The following RBM12 variants were observed in gnomAD, a reference collection of about 807,000 sequenced individuals.
RBM12 encodes RNA binding motif protein 12.
Under a neutral mutation model 37.2 loss-of-function variants are expected in RBM12, and 24 were observed. That is an observed-to-expected ratio of 0.65 (90% CI 0.47 to 0.91). RBM12 has a LOEUF of 0.91. Ranked by LOEUF, RBM12 falls within the 40% of genes least tolerant of loss-of-function variation. RBM12 has a pLI of 0.00. For synonymous variants in RBM12, 420 were observed against 425.2 expected, an observed-to-expected ratio of 0.99 and a Z score of 0.15; for missense variants, 1,061 against 1,183.2, an observed-to-expected ratio of 0.90 and a Z score of 1.52.
chr20:35,663,258 T>G (rs866316067), intron 1 of RBM12, among the ~76,000 whole-genome samples: 1 of 152,202 alleles, frequency 6.6e-6, no homozygotes, highest in South Asian at 2.1e-4. Context: ...AGTTCTATAA[T>G]TTAAAAAACA....
Position 35,654,429 on chromosome 20 carries a change from G to A in RBM12, c.894C>T (p.Pro298=), listed in dbSNP as rs199570213. ...TGACATACAGATCATCAGGGTTGAT[G>A]GGGAGTGGCTTCACACTGCTCTGAG... is the stretch of plus-strand genomic sequence containing the variant. ...MNSQSSVKPL[P]INPDDLYVSV... is the part of the protein sequence containing the mutation. Residue 298 remains proline (P), a synonymous_variant, in exon 3 of 3, where the codon CCC becomes CCT. Coordinates refer to ENST00000374114, the MANE Select transcript of RBM12 (RefSeq NM_006047.6). The A allele has an allele frequency of 5.0e-5, 81 of 1,614,214 alleles. No homozygotes were observed. In the Admixed American group the frequency reaches 9.7e-4, roughly 19 times the overall value.
chr20:35,657,184 T>G (rs1346950113), intron 2 of RBM12, among the ~76,000 whole-genome samples: 1 of 152,122 alleles, frequency 6.6e-6, no homozygotes, highest in Non-Finnish European at 1.5e-5. Flanking sequence ...ATTTGGGAAG[T>G]GTGGGGAAGC....
At chr20:35,655,775 A>G (rs1418052189) in intron 2 of RBM12, among the ~76,000 whole-genome samples, 3 of 152,244 alleles carry the variant, frequency 2.0e-5, no homozygotes, top group Non-Finnish European at 2.9e-5. Flanking sequence ...TCTTCCCTAT[A>G]TACTTGATAA....
intron 2 of RBM12, among the ~76,000 whole-genome samples, chr20:35,658,190 T>G (rs1340321700): frequency 6.6e-6 from 1 of 152,250 alleles, no homozygotes; most frequent in African/African-American, 2.4e-5. Context: ...ACAAGAGGGT[T>G]AGATTCCACT....
At chr20:35,656,955 CTTCA>C (rs1407161664) in intron 2 of RBM12, among the ~76,000 whole-genome samples, 1 of 152,200 alleles carries the variant, frequency 6.6e-6, no homozygotes, top group Non-Finnish European at 1.5e-5. Context: ...AATTCTGTAA[CTTCA>C]TTGTCAAATA....
intron 1 of RBM12, among the ~76,000 whole-genome samples, chr20:35,659,787 A>G (rs1456788191): frequency 6.6e-6 from 1 of 152,230 alleles, no homozygotes; most frequent in African/African-American, 2.4e-5. Context: ...TGAGGTTATT[A>G]ACAAGTCACA....
chr20:35,660,376 G>A (rs2034166023), intron 1 of RBM12, among the ~76,000 whole-genome samples: 1 of 151,850 alleles, frequency 6.6e-6, no homozygotes, highest in Non-Finnish European at 1.5e-5. Context: ...GCCACCACCC[G>A]CAGCTTATTT....
At chr20:35,657,214 A>G (rs2033950007) in intron 2 of RBM12, among the ~76,000 whole-genome samples, 1 of 152,240 alleles carries the variant, frequency 6.6e-6, no homozygotes, top group Non-Finnish European at 1.5e-5. Flanking sequence ...ACAAACTTCA[A>G]GAGTCAACAA....
At chr20:35,659,067 C>A in intron 1 of RBM12, 53 bp from the exon 2 acceptor site, 1 of 711,036 alleles carries the variant, frequency 1.4e-6, no homozygotes. Flanking sequence ...CACAAAACAA[C>A]ACGCACAGGC....
Position 35,652,674 on chromosome 20 carries a change from T to C in RBM12, c.2649A>G (p.Pro883=). ...LDFFYGYQVI[P]GSVCLKYNEK... is the part of the protein sequence containing the mutation. ...CATTGTATTTTAAACACACTGAGCCTGGGATTACTTGATAGCCATAAAAGA... is the reference window on the plus strand; with the variant it reads ...CATTGTATTTTAAACACACTGAGCCCGGGATTACTTGATAGCCATAAAAGA... Residue 883 remains proline, a synonymous_variant, in exon 3 of 3, where the codon CCA becomes CCG. Transcript: ENST00000374114. The C allele has an allele frequency of 1.2e-6, 2 of 1,614,154 alleles. No homozygotes were observed. Among genetic ancestry groups the C allele is most frequent in the Non-Finnish European group, 1.7e-6 (2 of 1,179,984 alleles).
chr20:35,657,855 G>A (rs890000615), intron 2 of RBM12, among the ~76,000 whole-genome samples: 12 of 152,248 alleles, frequency 7.9e-5, no homozygotes, highest in African/African-American at 2.2e-4. Flanking sequence ...GAGGTCAGGA[G>A]TTCAAGACCA....
rs2146342882 is a variant in RBM12 at position 35,652,511 on chromosome 20, A to G, written c.*13T>C. ...AATATGAAGATCTACCCTATAAAAA[A>G]TGATGTGAATGGCTACCCTAATACA... On this transcript the variant is annotated 3_prime_UTR_variant, in exon 3 of 3. Coordinates refer to ENST00000374114, the MANE Select transcript of RBM12 (RefSeq NM_006047.6). 2 of 1,599,548 alleles carry G rather than the reference A, an allele frequency of 1.3e-6. No individual in the cohort carries two copies. The highest frequency in any genetic ancestry group is 2.2e-5 in the East Asian group (1 of 44,780).
intron 1 of RBM12, among the ~76,000 whole-genome samples, chr20:35,663,307 G>A (rs2034337653): frequency 2.6e-5 from 4 of 152,088 alleles, no homozygotes; most frequent in Admixed American, 1.3e-4. Flanking sequence ...GATTTTTCTC[G>A]ACTGCAAATG....
rs754773715 is a variant in RBM12 at position 35,655,049 on chromosome 20, T to C, written c.274A>G (p.Thr92Ala). 1.2e-6 allele frequency: 2 copies of C among 1,614,040 alleles called. No individual in the cohort carries two copies. The highest frequency in any genetic ancestry group is 2.7e-5 in the African/African-American group (2 of 74,892). Residue 92 changes from threonine to alanine, a missense_variant, in exon 3 of 3, where the codon ACT (threonine) becomes GCT (alanine). This residue lies in a region of RBM12 where 540 missense variants were observed against 632.7 expected (regional missense o/e 0.85). Transcript: ENST00000374114. ...MIELSRRRFETANLDIPPANA... is the reference protein window; with the variant it reads ...MIELSRRRFEAANLDIPPANA... ...GCTGGTGGTATATCTAAGTTGGCAG[T>C]TTCAAAACGCCTACGACTCAGTTCA... is the stretch of plus-strand genomic sequence containing the variant.
chr20:35,654,801 A>C lies in RBM12; in HGVS notation c.522T>G (p.Thr174=). 4 of 1,614,176 alleles carry C rather than the reference A, an allele frequency of 2.5e-6. No individual in the cohort carries two copies. Among genetic ancestry groups the C allele is most frequent in the Non-Finnish European group, 3.4e-6 (4 of 1,180,012 alleles). Reference sequence around the variant, plus strand: ...TCATTGGAGAGGCTGTGCTTGGAACAGTTGAGCTAAACGTTGGGCTCCCAA... The same window carrying C: ...TCATTGGAGAGGCTGTGCTTGGAACCGTTGAGCTAAACGTTGGGCTCCCAA... ...ASFGSPTFSS[T]VPSTASPMNT... Residue 174 remains threonine (T), a synonymous_variant, in exon 3 of 3, where the codon ACT becomes ACG. Transcript: ENST00000374114.
chr20:35,659,477 A>G (rs1828968818), intron 1 of RBM12, among the ~76,000 whole-genome samples: 1 of 152,236 alleles, frequency 6.6e-6, no homozygotes, highest in African/African-American at 2.4e-5. Flanking sequence ...CATGGAAATT[A>G]CTGCAATTAT....
intron 1 of RBM12, among the ~76,000 whole-genome samples, chr20:35,661,853 T>C (rs1054910954): frequency 2.0e-5 from 3 of 152,204 alleles, no homozygotes; most frequent in Non-Finnish European, 4.4e-5. Flanking sequence ...CACTCTTTAA[T>C]CAACAAGAAC....
chr20:35,653,572 C>T lies in RBM12; in HGVS notation c.1751G>A (p.Gly584Asp). 1 of 1,614,200 alleles carries T rather than the reference C, an allele frequency of 6.2e-7. No homozygotes were observed. The highest frequency in any genetic ancestry group is 8.5e-7 in the Non-Finnish European group (1 of 1,180,038). The part of the protein sequence containing the change: ...VHVLVDNNGQ[G>D]LGQALVQFKN... ...AAACTGAACCAATGCCTGTCCTAGA[C>T]CTTGCCCATTGTTATCAACAAGAAC... Residue 584 changes from glycine (G) to aspartate (D), a missense_variant, in exon 3 of 3, where the codon GGT becomes GAT. This residue lies in a region of RBM12 where 517 missense variants were observed against 534.0 expected (regional missense o/e 0.97). Transcript: ENST00000374114.
chr20:35,656,319 T>A (rs1360190500), intron 2 of RBM12, among the ~76,000 whole-genome samples: 1 of 152,218 alleles, frequency 6.6e-6, no homozygotes, highest in Non-Finnish European at 1.5e-5. Flanking sequence ...ATCTCTGTGA[T>A]CTCCTTAGAT....
Sources: gnomAD v4.1 joint callset for allele counts (sites outside exome capture counted in the v4.1 genomes callset) on GRCh38, gnomAD v4.1.1 for gene constraint, gnomAD v4.1.1 regional missense constraint, MANE v1.5 for transcripts, NCBI Gene and HGNC (gene_info 2026-07-23, HGNC 2026-07-21) for gene names.